ATP8A2: variants seen among roughly 807,000 people sequenced by gnomAD.
The protein encoded by ATP8A2 is ATPase phospholipid transporting 8A2, also known as phospholipid-transporting ATPase IB.
A neutral mutation model predicts 165.6 loss-of-function variants in ATP8A2; 100 were observed. The ratio of observed to expected loss-of-function variants is 0.60; its 90% CI spans 0.51 to 0.71. The LOEUF (loss-of-function observed/expected upper bound fraction) is 0.71, where lower values mean the gene tolerates loss of function less well. Ranked by LOEUF, ATP8A2 falls within the 30% of genes least tolerant of loss-of-function variation. ATP8A2 has a pLI of 0.00. For synonymous variants in ATP8A2, 543 were observed against 548.8 expected (o/e 0.99, Z 0.15); for missense variants, 1,227 against 1,479.5 (o/e 0.83, Z 2.80).
chr13:25,817,529 T>C (rs986861893), intron 27 of ATP8A2, among the ~76,000 whole-genome samples: 5 of 152,196 alleles, frequency 3.3e-5, no homozygotes, highest in Admixed American at 1.3e-4. Flanking sequence ...GATTCAACTT[T>C]CTTGCGTTAG....
At chr13:25,665,220 G>T (rs755373910) in intron 24 of ATP8A2, among the ~76,000 whole-genome samples, 6 of 152,216 alleles carry the variant, frequency 3.9e-5, no homozygotes, top group Admixed American at 1.3e-4. Context: ...ATTCAGGTTA[G>T]TAACCAGTTG....
chr13:25,586,541 G>A (rs1198218526), intron 23 of ATP8A2, among the ~76,000 whole-genome samples: 1 of 152,148 alleles, frequency 6.6e-6, no homozygotes. Context: ...GATCCCACCT[G>A]GGATAGCTTA....
chr13:25,686,747 C>T (rs2042609305), intron 24 of ATP8A2, among the ~76,000 whole-genome samples: 1 of 152,200 alleles, frequency 6.6e-6, no homozygotes, highest in Non-Finnish European at 1.5e-5. Context: ...GAAGTACAAA[C>T]TGGTCTACTT....
intron 2 of ATP8A2, among the ~76,000 whole-genome samples, chr13:25,472,037 C>T (rs1244827281): frequency 2.0e-5 from 3 of 151,996 alleles, no homozygotes; most frequent in African/African-American, 4.8e-5. Flanking sequence ...GTATTTGGTT[C>T]GCCTTGACTC....
chr13:25,748,494 A>G (rs988141951), intron 25 of ATP8A2, among the ~76,000 whole-genome samples: 1 of 152,170 alleles, frequency 6.6e-6, no homozygotes, highest in African/African-American at 2.4e-5. Flanking sequence ...AATGTAAGAT[A>G]TTTGTTGCTT....
chr13:25,803,325 G>A (rs1297905839), intron 27 of ATP8A2, among the ~76,000 whole-genome samples: 2 of 152,096 alleles, frequency 1.3e-5, no homozygotes, highest in South Asian at 2.1e-4. Context: ...TGTAAAAAAC[G>A]AGTTTAATAT....
chr13:25,730,674 A>G (rs1449789382), intron 25 of ATP8A2, among the ~76,000 whole-genome samples: 1 of 152,326 alleles, frequency 6.6e-6, no homozygotes, highest in East Asian at 1.9e-4. Context: ...TGCCATAAAG[A>G]AGGCCAAATG....
In ATP8A2 at chr13:25,699,277, G is replaced by T. The variant is rs757284272; in HGVS notation, c.2316G>T (p.Ala772=). The change falls in exon 25 of 37, where the codon GCG becomes GCT. Residue 772 remains alanine (A), a synonymous_variant. Transcript: ENST00000381655. ...LIIDGHTLKY[A]LSFEVRRSFL... ...TCGATGGCCACACCCTGAAGTACGCGCTCTCCTTCGAAGTCCGGAGGAGTT... is the reference window on the plus strand; with the variant it reads ...TCGATGGCCACACCCTGAAGTACGCTCTCTCCTTCGAAGTCCGGAGGAGTT... The T allele has an allele frequency of 1.1e-5, 18 of 1,613,584 alleles. No homozygotes were observed. The highest frequency in any genetic ancestry group is 1.4e-5 in the Non-Finnish European group (16 of 1,179,796).
intron 33 of ATP8A2, among the ~76,000 whole-genome samples, chr13:25,938,172 TA>T (rs759243830): frequency 3.3e-3 from 443 of 133,744 alleles, no homozygotes; most frequent in Middle Eastern, 7.4e-3. Flanking sequence ...GTGACCTGGT[TA>T]AAAAAAAAAA....
At chr13:25,502,552 C>T (rs1393093019) in intron 2 of ATP8A2, among the ~76,000 whole-genome samples, 1 of 152,206 alleles carries the variant, frequency 6.6e-6, no homozygotes, top group African/African-American at 2.4e-5. Context: ...AAACATGCCT[C>T]TGTCACTTGC....
intron 33 of ATP8A2, among the ~76,000 whole-genome samples, chr13:25,924,541 A>G (rs183780443): frequency 6.6e-6 from 1 of 152,226 alleles, no homozygotes. Flanking sequence ...ATTAGGGCTC[A>G]CCCTATTTAC....
chr13:25,610,361 T>A (rs1237933986), intron 24 of ATP8A2, among the ~76,000 whole-genome samples: 1 of 152,196 alleles, frequency 6.6e-6, no homozygotes, highest in African/African-American at 2.4e-5. Flanking sequence ...GCATCATTTG[T>A]TGCAAAGGGT....
chr13:25,504,831 T>C (rs1339108776), intron 2 of ATP8A2, among the ~76,000 whole-genome samples: 3 of 152,028 alleles, frequency 2.0e-5, no homozygotes, highest in Non-Finnish European at 4.4e-5. Context: ...TAATAATCTA[T>C]GGTCCTCTTG....
At chr13:25,824,881 C>G (rs1951274665) in intron 27 of ATP8A2, among the ~76,000 whole-genome samples, 1 of 152,060 alleles carries the variant, frequency 6.6e-6, no homozygotes, top group Non-Finnish European at 1.5e-5. Flanking sequence ...TTGAATCCAT[C>G]CAGGATTCAA....
chr13:25,465,248 A>AC (rs977467960), intron 1 of ATP8A2, among the ~76,000 whole-genome samples: 17 of 151,752 alleles, frequency 1.1e-4, no homozygotes, highest in African/African-American at 4.1e-4. Context: ...TTTTTTGAAA[A>AC]TTTTTTTTTC....
At chr13:25,939,332 T>G (rs151094223) in intron 33 of ATP8A2, among the ~76,000 whole-genome samples, 1 of 152,332 alleles carries the variant, frequency 6.6e-6, no homozygotes, top group African/African-American at 2.4e-5. Context: ...TGGTTATTTG[T>G]TTGCCCGTTT....
chr13:25,944,428 A>C (rs1955153078), intron 33 of ATP8A2: 1 of 152,278 alleles, frequency 6.6e-6, no homozygotes, highest in African/African-American at 2.4e-5. Context: ...AATCACTTGA[A>C]GCCGGGAGGC....
intron 1 of ATP8A2, among the ~76,000 whole-genome samples, chr13:25,382,384 G>A (rs746797680): frequency 2.0e-5 from 3 of 152,174 alleles, no homozygotes; most frequent in Non-Finnish European, 2.9e-5. Flanking sequence ...AAATAAAGCT[G>A]CTATAAATAC....
chr13:25,488,785 T>G (rs1386748275), intron 2 of ATP8A2, among the ~76,000 whole-genome samples: 2 of 152,162 alleles, frequency 1.3e-5, no homozygotes, highest in African/African-American at 4.8e-5. Flanking sequence ...TTCTATGCTT[T>G]ATCTCATGTC....
Sources: allele counts gnomAD v4.1 joint callset (sites outside exome capture counted in the v4.1 genomes callset), GRCh38; gene constraint gnomAD v4.1.1; transcripts MANE v1.5; gene names NCBI Gene and HGNC (gene_info 2026-07-23, HGNC 2026-07-21).